PCYOX1L: variants seen among roughly 807,000 people sequenced by gnomAD.
The protein encoded by PCYOX1L is prenylcysteine oxidase 1-like.
In PCYOX1L, 40 loss-of-function variants were observed where a neutral mutation model predicts 44.1. The ratio of observed to expected loss-of-function variants is 0.91; its 90% CI spans 0.70 to 1.18. The LOEUF (loss-of-function observed/expected upper bound fraction) is 1.18, where lower values mean the gene tolerates loss of function less well. Among genes scored for constraint, PCYOX1L ranks in the 50% most tolerant of loss-of-function variants. The pLI, the probability that PCYOX1L is intolerant of heterozygous loss-of-function variation, is 0.00. For synonymous variants in PCYOX1L, 266 were observed against 282.8 expected, an observed-to-expected ratio of 0.94 and a Z score of 0.60; for missense variants, 605 against 653.3, an observed-to-expected ratio of 0.93 and a Z score of 0.81.
At chr5:149,363,902 T>C in intron 2 of PCYOX1L, 134 bp from the exon 3 acceptor site, 1 of 948,028 alleles carries the variant, frequency 1.1e-6, no homozygotes, top group Non-Finnish European at 1.5e-6. Context: ...AGTGCATCTG[T>C]TTACTGTTTA....
chr5:149,366,324 A>G (rs909558397), intron 4 of PCYOX1L, among the ~76,000 whole-genome samples, 171 bp downstream of exon 4: 4 of 152,218 alleles, frequency 2.6e-5, no homozygotes, highest in African/African-American at 9.6e-5. Flanking sequence ...TTGGCAGGAG[A>G]TAGTATCACC....
At position 149,368,093 on chromosome 5, in the gene PCYOX1L, C is replaced by G. The variant is rs769071728; in HGVS notation, c.924C>G (p.Asn308Lys). Residue 308 changes from asparagine to lysine, a missense_variant, in exon 6 of 6, where the codon AAC becomes AAG. Asn to Lys is a moderately conservative substitution (Grantham distance 94). Transcript: ENST00000274569. Reference protein sequence around the residue: ...VVIATPLHLDNSSSNLTFAGF... With the variant: ...VVIATPLHLDKSSSNLTFAGF... ...TCGCCACCCCCCTGCACCTGGACAACAGCAGCAGCAACTTAACCTTTGCAG... is the reference window on the plus strand; with the variant it reads ...TCGCCACCCCCCTGCACCTGGACAAGAGCAGCAGCAACTTAACCTTTGCAG... 2.5e-6 allele frequency: 4 copies of G among 1,611,602 alleles called. No individual in the cohort carries two copies. Among genetic ancestry groups the G allele is most frequent in the African/African-American group, 2.7e-5 (2 of 74,906 alleles).
In PCYOX1L at chr5:149,367,882, T is replaced by A. The variant is rs1304234104; in HGVS notation, c.824-111T>A. On this transcript the variant is annotated intron_variant, in intron 5 of 5. Coordinates refer to ENST00000274569, the MANE Select transcript of PCYOX1L (RefSeq NM_024028.4). The stretch of plus-strand genomic sequence containing the variant: ...CCAGGACCCACCATTTAGACAGCCC[T>A]GCTGCACCCTGAGCACCAGGGTCTC... The A allele has an allele frequency of 5.8e-6, 7 of 1,204,782 alleles. No homozygotes were observed. In the African/African-American group the frequency reaches 7.6e-5, roughly 13 times the overall value. The allele number at this position is 1,204,782 out of a possible 1,614,324, so 74.6% of individuals were successfully genotyped here.
At chr5:149,364,828 T>A (rs1758145424) in intron 3 of PCYOX1L, 1 of 152,496 alleles carries the variant, frequency 6.6e-6, no homozygotes, top group African/African-American at 2.4e-5. Flanking sequence ...ACTCCTCCTA[T>A]CCCTGGGCTC....
chr5:149,368,164 C>T lies in PCYOX1L; in HGVS notation c.995C>T (p.Thr332Ile), dbSNP rs759853201. 3.1e-6 allele frequency: 5 copies of T among 1,613,484 alleles called. No homozygotes were observed. In the African/African-American group the frequency reaches 5.3e-5, roughly 17 times the overall value. The change falls in exon 6 of 6, where the codon ACC becomes ATC. Residue 332 changes from threonine (T) to isoleucine (I), a missense_variant. Transcript: ENST00000274569. ...GACGTGCAGGGCTCTTTCCAGCCCACCGTCGTCTCCTTGGTCCACGGCTAC... is the reference window on the plus strand; with the variant it reads ...GACGTGCAGGGCTCTTTCCAGCCCATCGTCGTCTCCTTGGTCCACGGCTAC... ...IDDVQGSFQP[T>I]VVSLVHGYLN...
rs1758315540 is a variant in PCYOX1L, at chr5:149,368,514, C to T, written c.1345C>T (p.Leu449=). The T allele has an allele frequency of 6.8e-6, 11 of 1,611,484 alleles. No homozygotes were observed. The highest frequency in any genetic ancestry group is 1.7e-5 in the Admixed American group (1 of 59,682). The change falls in exon 6 of 6, where the codon CTG becomes TTG. Residue 449 remains leucine, a synonymous_variant. Coordinates refer to ENST00000274569, the MANE Select transcript of PCYOX1L (RefSeq NM_024028.4). ...LHDQLFYLNA[L]EWAASSVEVM... The stretch of plus-strand genomic sequence containing the variant: ...TGACCAGCTCTTCTACCTCAATGCC[C>T]TGGAGTGGGCGGCCAGCTCCGTGGA...
chr5:149,358,691 A>T (rs1039302583), intron 1 of PCYOX1L, among the ~76,000 whole-genome samples: 37 of 152,240 alleles, frequency 2.4e-4, no homozygotes, highest in African/African-American at 8.9e-4. Flanking sequence ...AACCACCCCC[A>T]GGTCGATAGG....
At chr5:149,367,829 C>T (rs1758269527) in intron 5 of PCYOX1L, among the ~76,000 whole-genome samples, 164 bp from the exon 6 acceptor site, 1 of 152,182 alleles carries the variant, frequency 6.6e-6, no homozygotes, top group Non-Finnish European at 1.5e-5. Flanking sequence ...CCCCTTGCTT[C>T]TTCTGCAGCC....
chr5:149,366,772 C>T (rs1163605833), intron 4 of PCYOX1L, among the ~76,000 whole-genome samples: 1 of 152,218 alleles, frequency 6.6e-6, no homozygotes. Context: ...TGGCTCTGCA[C>T]ATGCTGGCTC....
At chr5:149,364,405 T>TC in intron 3 of PCYOX1L, 195 bp downstream of exon 3, 2 of 601,302 alleles carry the variant, frequency 3.3e-6, no homozygotes, top group South Asian at 2.1e-5. Context: ...CTCCCTAGTA[T>TC]TGTCACATTG....
chr5:149,368,762 C>A lies in PCYOX1L; in HGVS notation c.*108C>A. The stretch of plus-strand genomic sequence containing the variant: ...CTCGCCCACCAGGCTTCTTTCTGAC[C>A]CCTCATGTATCAAGCATCTCCAGGT... On this transcript the variant is annotated 3_prime_UTR_variant, in exon 6 of 6. Coordinates refer to ENST00000274569, the MANE Select transcript of PCYOX1L (RefSeq NM_024028.4). 8.6e-7 allele frequency: 1 copy of A among 1,163,890 alleles called. No individual in the cohort carries two copies. The highest frequency in any genetic ancestry group is 1.2e-6 in the Non-Finnish European group (1 of 864,750). 72.1% of individuals were successfully genotyped at this position (1,163,890 alleles called of 1,614,324 possible). A position where few individuals can be genotyped will look rare whatever the true frequency, so the allele number is the denominator to read the frequency against.
chr5:149,358,882 T>G (rs1396019702), intron 1 of PCYOX1L, among the ~76,000 whole-genome samples: 3 of 149,296 alleles, frequency 2.0e-5, no homozygotes, highest in African/African-American at 7.8e-5. Context: ...CCACCTACAT[T>G]CTGCCATTAA....
At chr5:149,361,171 G>C (rs989915109) in intron 1 of PCYOX1L, among the ~76,000 whole-genome samples, 1 of 152,194 alleles carries the variant, frequency 6.6e-6, no homozygotes, top group African/African-American at 2.4e-5. Flanking sequence ...CACTTGGGGA[G>C]GCCAAGGCAG....
intron 1 of PCYOX1L, 117 bp from the exon 2 acceptor site, chr5:149,362,520 C>A: frequency 9.7e-7 from 1 of 1,027,206 alleles, no homozygotes; most frequent in Non-Finnish European, 1.4e-6. Flanking sequence ...ATGTTATAAG[C>A]CTAGGAAATT....
In PCYOX1L at chr5:149,368,631, C is replaced by A; in HGVS notation, c.1462C>A (p.His488Asn). 3.9e-6 allele frequency: 6 copies of A among 1,523,594 alleles called. No homozygotes were observed. Among genetic ancestry groups the A allele is most frequent in the Non-Finnish European group, 5.3e-6 (6 of 1,142,666 alleles). 94.4% of individuals were successfully genotyped at this position (1,523,594 alleles called of 1,614,324 possible). ...LDKIDQKDLMHKVKTEL is the reference protein window; with the variant it reads ...LDKIDQKDLMNKVKTEL ...CAAGATTGATCAAAAAGATTTGATGCACAAGGTCAAGACTGAACTGTGAGG... is the reference window on the plus strand; with the variant it reads ...CAAGATTGATCAAAAAGATTTGATGAACAAGGTCAAGACTGAACTGTGAGG... Residue 488 changes from histidine (H) to asparagine (N), a missense_variant, in exon 6 of 6, where the codon CAC becomes AAC. Coordinates refer to ENST00000274569, the MANE Select transcript of PCYOX1L (RefSeq NM_024028.4).
intron 5 of PCYOX1L, 101 bp from the exon 6 acceptor site, chr5:149,367,892 T>C: frequency 1.6e-6 from 2 of 1,287,620 alleles, no homozygotes; most frequent in Non-Finnish European, 2.1e-6. Flanking sequence ...TGCTGCACCC[T>C]GAGCACCAGG....
chr5:149,369,142 C>T lies in PCYOX1L; in HGVS notation c.*488C>T, dbSNP rs62378148. On this transcript the variant is annotated 3_prime_UTR_variant, in exon 6 of 6. Coordinates refer to ENST00000274569, the MANE Select transcript of PCYOX1L (RefSeq NM_024028.4). ...CAGAAAACCTAAGAAATGATCATAG[C>T]TCCTGGTTACTGTGGACTTGATGGA... The T allele has an allele frequency of 0.04, 6,057 of 152,596 alleles. 147 individuals carry two copies. The highest frequency in any genetic ancestry group is 0.088 in the East Asian group (455 of 5,184). 9.5% of individuals were successfully genotyped at this position (152,596 alleles called of 1,614,324 possible).
Position 149,368,075 on chromosome 5 carries a change from C to T in PCYOX1L, c.906C>T (p.Thr302=). 6.2e-7 allele frequency: 1 copy of T among 1,605,332 alleles called. No homozygotes were observed. The part of the protein sequence containing the change: ...SDFYDIVVIA[T]PLHLDNSSSN... ...TCTATGACATCGTGGTCATCGCCAC[C>T]CCCCTGCACCTGGACAACAGCAGCA... Residue 302 remains threonine, a synonymous_variant, in exon 6 of 6, where the codon ACC becomes ACT. Transcript: ENST00000274569.
At chr5:149,360,164 C>T (rs1278786529) in intron 1 of PCYOX1L, among the ~76,000 whole-genome samples, 3 of 152,198 alleles carry the variant, frequency 2.0e-5, no homozygotes, top group East Asian at 3.8e-4. Context: ...TTGCTAATTG[C>T]GCAGGAGTCT....
Sources: gnomAD v4.1 joint callset for allele counts (sites outside exome capture counted in the v4.1 genomes callset) on GRCh38, gnomAD v4.1.1 for gene constraint, MANE v1.5 for transcripts, NCBI Gene and HGNC (gene_info 2026-07-23, HGNC 2026-07-21) for gene names.